APIP: variants seen among roughly 807,000 people sequenced by gnomAD.
The protein encoded by APIP is APAF1 interacting protein.
A neutral mutation model predicts 32.0 loss-of-function variants in APIP; 32 were observed. That is an observed-to-expected ratio of 1.00 (90% CI 0.76 to 1.34). The LOEUF is 1.34. APIP is among the 40% of genes most tolerant of loss of function. The probability of loss-of-function intolerance (pLI) is 0.00; values close to 1 mark genes in which losing one functional copy is unlikely to be tolerated. For missense variants in APIP, 247 were observed against 298.6 expected (o/e 0.83, Z 1.27); for synonymous variants, 92 against 94.8 (o/e 0.97, Z 0.17).
chr11:34,904,743 C>T (rs1340378480), intron 1 of APIP, among the ~76,000 whole-genome samples: 1 of 152,178 alleles, frequency 6.6e-6, no homozygotes, highest in Non-Finnish European at 1.5e-5. Context: ...CACTGTTCTT[C>T]TTTCAAGCCC....
At chr11:34,902,808 G>A (rs1853388810) in intron 1 of APIP, among the ~76,000 whole-genome samples, 1 of 152,288 alleles carries the variant, frequency 6.6e-6, no homozygotes, top group East Asian at 1.9e-4. Flanking sequence ...CAGAAAAGAA[G>A]GGAATGTCCC....
chr11:34,896,823 C>A (rs1853280667), intron 1 of APIP: 1 of 1,287,632 alleles, frequency 7.8e-7, no homozygotes, highest in Admixed American at 2.3e-5. Context: ...CTCTGGTGAC[C>A]TTGAACTTCA....
At chr11:34,899,338 G>T (rs1230396257) in intron 1 of APIP, among the ~76,000 whole-genome samples, 1 of 152,194 alleles carries the variant, frequency 6.6e-6, no homozygotes, top group Non-Finnish European at 1.5e-5. Flanking sequence ...CAACAGATAG[G>T]AGTTAAATGT....
intron 5 of APIP, among the ~76,000 whole-genome samples, chr11:34,885,685 G>A (rs898161931): frequency 3.9e-5 from 6 of 152,164 alleles, no homozygotes; most frequent in South Asian, 2.1e-4. Context: ...CAAGGAGCCC[G>A]GTGCCAGGGA....
chr11:34,892,016 G>C (rs1853193742), intron 2 of APIP, among the ~76,000 whole-genome samples: 1 of 152,246 alleles, frequency 6.6e-6, no homozygotes, highest in Non-Finnish European at 1.5e-5. Context: ...CTGCTGGTAA[G>C]TAAAACCCAT....
rs193292553 is a variant in APIP, at chr11:34,902,819, T to C, written c.58-7709A>G. ...GTGTCAGAAAAGAAGGGAATGTCCC[T>C]GGGAGTTTTAACACAGGCCCGAGGA... On this transcript the variant is annotated intron_variant, in intron 1 of 6. Transcript: ENST00000395787. Among the ~76,000 whole-genome samples the C allele has an allele frequency of 4.0e-3, 605 of 152,272 alleles. 6 individuals are homozygous for C. Among genetic ancestry groups the C allele is most frequent in the Admixed American group, 0.01 (157 of 15,296 alleles).
At chr11:34,884,271 TAAAAAA>T (rs34823343) in intron 5 of APIP, among the ~76,000 whole-genome samples, 1 of 151,390 alleles carries the variant, frequency 6.6e-6, no homozygotes, top group South Asian at 2.1e-4. Context: ...GCTAAAAACT[TAAAAAA>T]AAAAGTTCTA....
At chr11:34,885,648 G>T (rs1008874598) in intron 5 of APIP, among the ~76,000 whole-genome samples, 39 of 152,148 alleles carry the variant, frequency 2.6e-4, no homozygotes, top group African/African-American at 9.4e-4. Context: ...TTGAACAATA[G>T]GCTCTAGATT....
intron 5 of APIP, among the ~76,000 whole-genome samples, chr11:34,886,309 C>CA (rs1242995156): frequency 1.4e-5 from 2 of 145,490 alleles, no homozygotes. Flanking sequence ...CAGATTTTAA[C>CA]AAAAAAAATT....
At chr11:34,916,172 G>T in intron 1 of APIP, 56 bp downstream of exon 1, 3 of 1,574,040 alleles carry the variant, frequency 1.9e-6, no homozygotes, top group Non-Finnish European at 1.7e-6. Context: ...CAGCCGCCGG[G>T]TCCCGCCTGG....
At chr11:34,892,938 AT>A in intron 2 of APIP, among the ~76,000 whole-genome samples, 1 of 152,280 alleles carries the variant, frequency 6.6e-6, no homozygotes, top group East Asian at 1.9e-4. Context: ...AAAAACCAAC[AT>A]TTTACTACAA....
In APIP at chr11:34,888,436, A is replaced by C. The variant is rs374995167; in HGVS notation, c.326-8T>G. 2 of 1,603,720 alleles carry C rather than the reference A, an allele frequency of 1.2e-6. No individual in the cohort carries two copies. The highest frequency in any genetic ancestry group is 2.7e-5 in the African/African-American group (2 of 74,292). ...GAATCACTGCACCTGCTCCTGAAGG[A>C]GGAAGAAGAAAGCCGCATGCTCAAT... On this transcript the variant is annotated splice_polypyrimidine_tract_variant and splice_region_variant and intron_variant, in intron 4 of 6. Transcript: ENST00000395787.
At chr11:34,916,100 C>G (rs1306937459) in intron 1 of APIP, 128 bp downstream of exon 1, 32 of 1,246,626 alleles carry the variant, frequency 2.6e-5, no homozygotes, top group Non-Finnish European at 3.2e-6. Context: ...GGGTAGCGAA[C>G]GGCCAGGCCC....
At chr11:34,913,407 G>C (rs1039971451) in intron 1 of APIP, among the ~76,000 whole-genome samples, 6 of 152,138 alleles carry the variant, frequency 3.9e-5, no homozygotes, top group African/African-American at 1.4e-4. Context: ...TCGTTCAGAT[G>C]TTCAGAGTTT....
chr11:34,910,219 C>T (rs974163395), intron 1 of APIP, among the ~76,000 whole-genome samples: 2 of 152,188 alleles, frequency 1.3e-5, no homozygotes, highest in Non-Finnish European at 1.5e-5. Context: ...TTCATCCTGG[C>T]TAAAGGTTTG....
chr11:34,911,128 A>T (rs996843166), intron 1 of APIP, among the ~76,000 whole-genome samples: 1 of 152,174 alleles, frequency 6.6e-6, no homozygotes, highest in Non-Finnish European at 1.5e-5. Flanking sequence ...GAATATACCC[A>T]AAAAAGTGTA....
intron 3 of APIP, 90 bp downstream of exon 3, chr11:34,890,414 A>G (rs1853166459): frequency 3.9e-6 from 5 of 1,270,860 alleles, no homozygotes; most frequent in South Asian, 1.4e-5. Flanking sequence ...GCTATGATAA[A>G]ATGAATGTTT....
Position 34,883,598 on chromosome 11 carries a change from T to G in APIP, c.462-94A>C, listed in dbSNP as rs2303957. 6 of 1,281,928 alleles carry G rather than the reference T, an allele frequency of 4.7e-6. No homozygotes were observed. In the African/African-American group the frequency reaches 8.9e-5, roughly 19 times the overall value. The allele number at this position is 1,281,928 out of a possible 1,614,324, so 79.4% of individuals were successfully genotyped here. On this transcript the variant is annotated intron_variant, in intron 5 of 6. Transcript: ENST00000395787. ...ATTTTTTCAAGTAACCAGTTAGACA[T>G]GCTGTTTGTGTCTGAAAAGCCACTC...
chr11:34,882,939 A>G, intron 6 of APIP, 123 bp from the exon 7 acceptor site: 7 of 661,030 alleles, frequency 1.1e-5, no homozygotes, highest in Non-Finnish European at 1.7e-5. Flanking sequence ...TTTTCTCTCA[A>G]TTCTAGGCCA....
Sources: gnomAD v4.1 joint callset for allele counts (sites outside exome capture counted in the v4.1 genomes callset) on GRCh38, gnomAD v4.1.1 for gene constraint, MANE v1.5 for transcripts, NCBI Gene and HGNC (gene_info 2026-07-23, HGNC 2026-07-21) for gene names.